The following CNTNAP2 variants were observed in gnomAD, a reference collection of about 807,000 sequenced individuals.
CNTNAP2 encodes contactin associated protein 2.
In CNTNAP2, 98 loss-of-function variants were observed where a neutral mutation model predicts 155.2. The ratio of observed to expected loss-of-function variants is 0.63; its 90% CI spans 0.54 to 0.75. The LOEUF (loss-of-function observed/expected upper bound fraction) is 0.75, where lower values mean the gene tolerates loss of function less well. Among genes scored for constraint, CNTNAP2 ranks in the 30% least tolerant of loss-of-function variants. CNTNAP2 has a pLI of 0.00. For synonymous variants in CNTNAP2, 651 were observed against 631.2 expected (o/e 1.03, Z -0.47); for missense variants, 1,727 against 1,688.1 (o/e 1.02, Z -0.40).
intron 5 of CNTNAP2, among the ~76,000 whole-genome samples, chr7:147,118,925 C>G (rs1801043769): frequency 6.6e-6 from 1 of 152,150 alleles, no homozygotes; most frequent in Non-Finnish European, 1.5e-5. Context: ...TTACATTTCA[C>G]TTGTTTCTTC....
chr7:147,336,726 T>C (rs12703905), intron 9 of CNTNAP2, among the ~76,000 whole-genome samples: 58,241 of 151,874 alleles, frequency 0.38, 11,537 homozygotes, highest in South Asian at 0.49. Context: ...CTTTCCACTG[T>C]TCACCTCTGA....
intron 3 of CNTNAP2, among the ~76,000 whole-genome samples, chr7:146,844,435 A>G (rs1251282150): frequency 1.3e-5 from 2 of 152,168 alleles, no homozygotes; most frequent in Non-Finnish European, 2.9e-5. Context: ...AAATCATTAC[A>G]TCTACATACT....
At chr7:146,466,277 T>G (rs1211846189) in intron 1 of CNTNAP2, among the ~76,000 whole-genome samples, 1 of 152,166 alleles carries the variant, frequency 6.6e-6, no homozygotes, top group Non-Finnish European at 1.5e-5. Context: ...ATTCTGACTT[T>G]CATGTGAGTG....
chr7:147,185,375 G>C (rs549889679), intron 8 of CNTNAP2, among the ~76,000 whole-genome samples: 1 of 152,066 alleles, frequency 6.6e-6, no homozygotes, highest in African/African-American at 2.4e-5. Flanking sequence ...ACTTCTTTTA[G>C]GTATATATAC....
intron 3 of CNTNAP2, among the ~76,000 whole-genome samples, chr7:146,997,063 A>G (rs1798325244): frequency 6.6e-6 from 1 of 151,812 alleles, no homozygotes. Flanking sequence ...AGTCCATTAA[A>G]CCTCTTTTTC....
At chr7:148,059,294 A>G (rs1048816134) in intron 15 of CNTNAP2, among the ~76,000 whole-genome samples, 1 of 151,918 alleles carries the variant, frequency 6.6e-6, no homozygotes, top group African/African-American at 2.4e-5. Context: ...TCTCAAAAAG[A>G]AAACAAAAAC....
intron 13 of CNTNAP2, among the ~76,000 whole-genome samples, chr7:147,730,972 C>G (rs1027014044): frequency 6.6e-6 from 1 of 152,060 alleles, no homozygotes; most frequent in African/African-American, 2.4e-5. Context: ...TATTCCAGAG[C>G]AAGGCCCTAA....
At chr7:146,184,832 C>A (rs1158832394) in intron 1 of CNTNAP2, among the ~76,000 whole-genome samples, 1 of 152,050 alleles carries the variant, frequency 6.6e-6, no homozygotes, top group Non-Finnish European at 1.5e-5. Context: ...TGTAAATACT[C>A]CCTAATTGCA....
At chr7:147,022,157 C>T (rs1798828848) in intron 3 of CNTNAP2, among the ~76,000 whole-genome samples, 1 of 152,032 alleles carries the variant, frequency 6.6e-6, no homozygotes, top group Non-Finnish European at 1.5e-5. Flanking sequence ...CTCATAGAAA[C>T]ACTGATTTCT....
chr7:148,033,597 C>G (rs2707584), intron 15 of CNTNAP2, among the ~76,000 whole-genome samples: 1 of 151,978 alleles, frequency 6.6e-6, no homozygotes, highest in East Asian at 1.9e-4. Context: ...GCAAGACAAC[C>G]TCCTTTAGAG....
At chr7:147,135,718 C>T (rs1049048771) in intron 8 of CNTNAP2, among the ~76,000 whole-genome samples, 6 of 151,034 alleles carry the variant, frequency 4.0e-5, no homozygotes, top group Middle Eastern at 3.2e-3. Flanking sequence ...TGAAATAAAA[C>T]TTGCCTTGCT....
intron 1 of CNTNAP2, among the ~76,000 whole-genome samples, chr7:146,210,699 T>G (rs1799020564): frequency 1.3e-5 from 2 of 152,176 alleles, no homozygotes; most frequent in South Asian, 4.1e-4. Flanking sequence ...CAGAAAAATA[T>G]AGCTATTATC....
At chr7:146,283,692 A>G (rs1800285356) in intron 1 of CNTNAP2, among the ~76,000 whole-genome samples, 2 of 152,258 alleles carry the variant, frequency 1.3e-5, no homozygotes, top group African/African-American at 4.8e-5. Flanking sequence ...ATTTTTATCT[A>G]CAAATAGAAA....
intron 1 of CNTNAP2, among the ~76,000 whole-genome samples, chr7:146,275,649 T>C (rs1227902816): frequency 6.6e-6 from 1 of 152,148 alleles, no homozygotes; most frequent in Non-Finnish European, 1.5e-5. Flanking sequence ...GAAATGTAAA[T>C]CACATAAGAT....
intron 4 of CNTNAP2, among the ~76,000 whole-genome samples, chr7:147,061,473 A>G (rs1037981953): frequency 6.6e-6 from 1 of 152,186 alleles, no homozygotes; most frequent in Admixed American, 6.5e-5. Flanking sequence ...TTCTTTCGAA[A>G]GGCTTACTCT....
At chr7:147,121,251 T>A (rs1157162252) in intron 6 of CNTNAP2, 88 bp downstream of exon 6, 4 of 1,252,688 alleles carry the variant, frequency 3.2e-6, no homozygotes, top group Non-Finnish European at 4.5e-6. Flanking sequence ...ATTATATTAC[T>A]ACTTACACCT....
At chr7:147,983,544 G>A (rs754857309) in intron 15 of CNTNAP2, among the ~76,000 whole-genome samples, 4 of 152,162 alleles carry the variant, frequency 2.6e-5, no homozygotes, top group East Asian at 1.9e-4. Flanking sequence ...ACAGGCTCAA[G>A]AGGTCCTCAG....
At chr7:147,545,014 T>TAC (rs759815535) in intron 11 of CNTNAP2, among the ~76,000 whole-genome samples, 8 of 151,846 alleles carry the variant, frequency 5.3e-5, no homozygotes, top group Admixed American at 2.6e-4. Flanking sequence ...GAACTGATAA[T>TAC]ACACACACAC....
At chr7:147,052,906 T>A (rs1799497618) in intron 4 of CNTNAP2, among the ~76,000 whole-genome samples, 2 of 152,062 alleles carry the variant, frequency 1.3e-5, no homozygotes, top group Non-Finnish European at 1.5e-5. Context: ...TTAAAAAAAA[T>A]ACTGTAAGTT....
Sources: gnomAD v4.1 joint callset for allele counts (sites outside exome capture counted in the v4.1 genomes callset) on GRCh38, gnomAD v4.1.1 for gene constraint, MANE v1.5 for transcripts, NCBI Gene and HGNC (gene_info 2026-07-23, HGNC 2026-07-21) for gene names.